The following COLEC10 variants were observed in gnomAD, a reference collection of about 807,000 sequenced individuals.
COLEC10 encodes collectin-10.
COLEC10 carries 22 observed loss-of-function variants against 28.4 expected under a neutral mutation model. The observed-to-expected ratio is 0.78, with a 90% confidence interval of 0.55 to 1.11. The LOEUF (loss-of-function observed/expected upper bound fraction) is 1.11. Among genes scored for constraint, COLEC10 ranks in the 50% least tolerant of loss-of-function variants. The pLI, the probability that COLEC10 is intolerant of heterozygous loss-of-function variation, is 0.00. For missense variants in COLEC10, 361 were observed against 344.1 expected (o/e 1.05, Z -0.39); for synonymous variants, 125 against 116.1 (o/e 1.08, Z -0.49).
chr8:119,010,289 T>C (rs1299320089), intron 2 of COLEC10, among the ~76,000 whole-genome samples: 1 of 150,928 alleles, frequency 6.6e-6, no homozygotes, highest in Non-Finnish European at 1.5e-5. Flanking sequence ...TCTGATGAGC[T>C]TTTTTCAGTA....
chr8:119,106,984 A>T lies in COLEC10; in HGVS notation c.*793A>T, dbSNP rs1274254212. On this transcript the variant is annotated 3_prime_UTR_variant, in exon 6 of 6. Transcript: ENST00000332843. ...AAGAAAAAAATGGGGAATTGTTCAC[A>T]AACAATACTGGTTATAGTTCTCTTG... is the stretch of plus-strand genomic sequence containing the variant. 1.3e-5 allele frequency among the ~76,000 whole-genome samples: 2 copies of T among 152,326 alleles called. No homozygotes were observed. The highest frequency in any genetic ancestry group is 1.9e-4 in the East Asian group (1 of 5,184).
chr8:119,035,578 A>G (rs1814375517), intron 2 of COLEC10, among the ~76,000 whole-genome samples: 2 of 152,100 alleles, frequency 1.3e-5, no homozygotes, highest in South Asian at 4.1e-4. Flanking sequence ...TGAAAAGACA[A>G]TTTTCTTCTT....
chr8:119,044,406 A>G (rs1308016107), intron 2 of COLEC10, among the ~76,000 whole-genome samples: 1 of 152,224 alleles, frequency 6.6e-6, no homozygotes, highest in Non-Finnish European at 1.5e-5. Context: ...AAGATGAGCT[A>G]GCTTTGGCCC....
At chr8:119,022,256 A>C (rs1312092946) in intron 2 of COLEC10, among the ~76,000 whole-genome samples, 1 of 152,160 alleles carries the variant, frequency 6.6e-6, no homozygotes, top group African/African-American at 2.4e-5. Context: ...CAGATCATTT[A>C]AGGAGGGCAA....
chr8:119,090,081 C>G (rs1315246723), intron 2 of COLEC10, among the ~76,000 whole-genome samples: 1 of 120,702 alleles, frequency 8.3e-6, no homozygotes, highest in Non-Finnish European at 1.8e-5. Context: ...AAAGCCACTG[C>G]TAAGCAGCAT....
In COLEC10 at chr8:119,107,397, T is replaced by C. The variant is rs775374911; in HGVS notation, c.*1206T>C. On this transcript the variant is annotated 3_prime_UTR_variant, in exon 6 of 6. Coordinates refer to ENST00000332843, the MANE Select transcript of COLEC10 (RefSeq NM_006438.5). ...GATCAAACCTCAAAGCAGCTTTCAC[T>C]TGGAATTTAAAAATAAACAGTTCAA... Among the ~76,000 whole-genome samples, 2 of 152,182 alleles carry C rather than the reference T, an allele frequency of 1.3e-5. No individual in the cohort carries two copies. Among genetic ancestry groups the C allele is most frequent in the Non-Finnish European group, 2.9e-5 (2 of 68,028 alleles).
chr8:119,067,991 A>G (rs892569401), intron 1 of COLEC10: 1 of 151,980 alleles, frequency 6.6e-6, no homozygotes, highest in Non-Finnish European at 1.5e-5. Flanking sequence ...TCTGGGGCCA[A>G]ATGCCTTCTG....
upstream of COLEC10, chr8:119,067,096 T>C: frequency 3.5e-6 from 2 of 567,134 alleles, no homozygotes; most frequent in South Asian, 4.5e-5. Context: ...GTCTGGACAA[T>C]GTATGGTCCA....
intron 2 of COLEC10, among the ~76,000 whole-genome samples, chr8:119,014,283 T>C (rs749943859): frequency 1.3e-5 from 2 of 150,592 alleles, no homozygotes; most frequent in Non-Finnish European, 2.9e-5. Flanking sequence ...TCAATTTTTT[T>C]GTTCGTTTGA....
chr8:119,054,521 T>A (rs1439270543), intron 2 of COLEC10, among the ~76,000 whole-genome samples: 8 of 152,046 alleles, frequency 5.3e-5, no homozygotes, highest in Non-Finnish European at 1.2e-4. Flanking sequence ...GGGCTGGGAT[T>A]GGTTAGAAGA....
rs528835662 is a variant in COLEC10, at chr8:119,009,122, CA to C, written n.123-317del. ...CTTTTAGATTCACTTCTATAAAACC[CA>C]ACACAGGTGAGGAAAGGAGGAAGAG... is the stretch of plus-strand genomic sequence containing the variant. On this transcript the variant is annotated intron_variant and non_coding_transcript_variant, in intron 1 of 6. Coordinates refer to the COLEC10 transcript ENST00000521788. Among the ~76,000 whole-genome samples, 1,094 of 151,038 alleles carry C rather than the reference CA, an allele frequency of 7.2e-3. 16 individuals are homozygous for C. Among genetic ancestry groups the C allele is most frequent in the Admixed American group, 0.018 (277 of 15,230 alleles).
At chr8:118,964,150 G>A in the COLEC10 span, among the ~76,000 whole-genome samples, 1 of 152,298 alleles carries the variant, frequency 6.6e-6, no homozygotes, top group Non-Finnish European at 1.5e-5. Context: ...AAAGTAGTAA[G>A]TCTAGGAAGC....
chr8:118,998,225 G>T (rs1813624282), intron 1 of COLEC10, among the ~76,000 whole-genome samples: 2 of 152,098 alleles, frequency 1.3e-5, no homozygotes, highest in South Asian at 4.1e-4. Context: ...GAAGAAAGAA[G>T]TTAAATTTGC....
At chr8:118,968,200 T>A in the COLEC10 span, among the ~76,000 whole-genome samples, 33 of 152,100 alleles carry the variant, frequency 2.2e-4, no homozygotes, top group Non-Finnish European at 3.2e-4. Context: ...TGGTTTTTAG[T>A]CTGGGCCTGA....
At chr8:119,090,470 G>A (rs542028533) in intron 2 of COLEC10, among the ~76,000 whole-genome samples, 1 of 152,324 alleles carries the variant, frequency 6.6e-6, no homozygotes, top group South Asian at 2.1e-4. Context: ...TTAAAAGAAA[G>A]AGAGACTCAC....
At chr8:119,098,827 T>C (rs1280708984) in intron 3 of COLEC10, among the ~76,000 whole-genome samples, 1 of 152,084 alleles carries the variant, frequency 6.6e-6, no homozygotes, top group Non-Finnish European at 1.5e-5. Flanking sequence ...TGGAATCTTT[T>C]TAAATGGAGA....
At chr8:119,063,722 T>A (rs1314941932), upstream of COLEC10, among the ~76,000 whole-genome samples, 2 of 143,312 alleles carry the variant, frequency 1.4e-5, no homozygotes, top group African/African-American at 5.2e-5. Context: ...AAGGCCACAA[T>A]TCAATTCACA....
upstream of COLEC10, among the ~76,000 whole-genome samples, chr8:119,065,671 AC>A: frequency 6.6e-6 from 1 of 152,086 alleles, no homozygotes; most frequent in East Asian, 1.9e-4. Flanking sequence ...AGCCTGGCCA[AC>A]CTGGTGAAAC....
chr8:119,023,453 A>G (rs941938541), intron 2 of COLEC10, among the ~76,000 whole-genome samples: 6 of 152,138 alleles, frequency 3.9e-5, no homozygotes, highest in African/African-American at 1.4e-4. Context: ...TAATATGGAA[A>G]AAAAGGCAGA....
Sources: gnomAD v4.1 joint callset for allele counts (sites outside exome capture counted in the v4.1 genomes callset) on GRCh38, gnomAD v4.1.1 for gene constraint, MANE v1.5 for transcripts, NCBI Gene and HGNC (gene_info 2026-07-23, HGNC 2026-07-21) for gene names.